PFKP: variants seen among roughly 807,000 people sequenced by gnomAD.
PFKP encodes the protein phosphofructokinase, platelet, also known as ATP-dependent 6-phosphofructokinase, platelet type.
A neutral mutation model predicts 94.3 loss-of-function variants in PFKP; 101 were observed. That is an observed-to-expected ratio of 1.07 (90% CI 0.91 to 1.26). The LOEUF (loss-of-function observed/expected upper bound fraction) is 1.26. PFKP is among the 50% of genes most tolerant of loss of function. PFKP has a pLI of 0.00. For synonymous variants in PFKP, 573 were observed against 432.6 expected (o/e 1.32, Z -4.03); for missense variants, 1,145 against 1,103.3 (o/e 1.04, Z -0.53).
chr10:3,107,146 G>A (rs1243871168), intron 7 of PFKP, 68 bp from the exon 8 acceptor site: 3 of 957,160 alleles, frequency 3.1e-6, no homozygotes, highest in East Asian at 2.4e-5. Flanking sequence ...AGACTTCTGT[G>A]GTTTTGTTGC....
At chr10:3,127,254 G>A (rs1173832207) in intron 16 of PFKP, among the ~76,000 whole-genome samples, 4 of 152,238 alleles carry the variant, frequency 2.6e-5, no homozygotes, top group South Asian at 2.1e-4. Context: ...ACACTGAGAC[G>A]AGCACACAGT....
At chr10:3,120,180 C>A (rs970976076) in intron 16 of PFKP, 136 bp downstream of exon 16, 10 of 735,664 alleles carry the variant, frequency 1.4e-5, no homozygotes, top group Non-Finnish European at 2.2e-5. Flanking sequence ...CTTTTTTTCC[C>A]CCAGAAAAGT....
intron 12 of PFKP, 46 bp downstream of exon 12, chr10:3,113,234 T>C: frequency 6.3e-7 from 1 of 1,594,076 alleles, no homozygotes; most frequent in Non-Finnish European, 8.6e-7. Flanking sequence ...CCTGCGGGCC[T>C]CCCCTCATGG....
At chr10:3,100,888 C>G (rs1358000097) in intron 3 of PFKP, 2 of 1,038,578 alleles carry the variant, frequency 1.9e-6, no homozygotes, top group African/African-American at 2.1e-5. Flanking sequence ...AAAAATCCCC[C>G]TGGCCCCAGG....
intron 16 of PFKP, among the ~76,000 whole-genome samples, chr10:3,122,927 TG>T (rs577772986): frequency 7.6e-4 from 115 of 152,246 alleles, no homozygotes; most frequent in Non-Finnish European, 1.5e-3. Flanking sequence ...GAGCACAGGG[TG>T]GGCTCCATAA....
chr10:3,122,994 T>C (rs560533341), intron 16 of PFKP, among the ~76,000 whole-genome samples: 9 of 152,320 alleles, frequency 5.9e-5, no homozygotes, highest in African/African-American at 2.2e-4. Context: ...TGGGCGGGGC[T>C]GATGTGGTGA....
At chr10:3,080,019 G>T (rs951802866) in intron 1 of PFKP, among the ~76,000 whole-genome samples, 1 of 152,082 alleles carries the variant, frequency 6.6e-6, no homozygotes, top group Non-Finnish European at 1.5e-5. Flanking sequence ...TTCCTGGGAG[G>T]TGCCAGAGCC....
At chr10:3,071,779 C>A (rs1239492557) in intron 1 of PFKP, among the ~76,000 whole-genome samples, 1 of 152,142 alleles carries the variant, frequency 6.6e-6, no homozygotes, top group Non-Finnish European at 1.5e-5. Flanking sequence ...TATAGAAAGT[C>A]CACATAAATT....
At chr10:3,136,405 G>A (rs368702320) in intron 21 of PFKP, 45 bp from the exon 22 acceptor site, 70 of 1,603,842 alleles carry the variant, frequency 4.4e-5, no homozygotes, top group East Asian at 3.8e-4. Context: ...GGCATCTCCC[G>A]CCAGTGACTG....
rs138571494 is a variant in PFKP, at chr10:3,084,706, C to A, written c.186+2245C>A. Reference sequence around the variant, plus strand: ...CGGTCTCCAGCACAGTCCTCCAGCCCCTCCCCAGGAGAGTCCTCCAGCCCC... The same window carrying A: ...CGGTCTCCAGCACAGTCCTCCAGCCACTCCCCAGGAGAGTCCTCCAGCCCC... On this transcript the variant is annotated intron_variant, in intron 2 of 21. Transcript: ENST00000381125. 9.1e-3 allele frequency among the ~76,000 whole-genome samples: 597 copies of A among 65,602 alleles called. 4 individuals are homozygous for A. The highest frequency in any genetic ancestry group is 0.03 in the African/African-American group (556 of 18,642). The allele number at this position is 65,602 out of a possible 152,430, so 43.0% of individuals were successfully genotyped here. A position where few individuals can be genotyped will look rare whatever the true frequency, so the allele number is the denominator to read the frequency against.
At chr10:3,109,971 C>T (rs879551976) in intron 10 of PFKP, among the ~76,000 whole-genome samples, 1 of 152,066 alleles carries the variant, frequency 6.6e-6, no homozygotes, top group Non-Finnish European at 1.5e-5. Flanking sequence ...GTGGGACCTT[C>T]CCAAACTTCT....
chr10:3,101,359 TC>T lies in PFKP; in HGVS notation c.265-3del. ...GAGGAGATAAATTAGCTGGTGTCTT[TC>T]CCAGGGCGGGACGATCATTGGCAGT... On this transcript the variant is annotated splice_polypyrimidine_tract_variant and splice_region_variant and intron_variant, in intron 3 of 21. Transcript: ENST00000381125. The T allele has an allele frequency of 6.4e-7, 1 of 1,574,214 alleles. No homozygotes were observed. The highest frequency in any genetic ancestry group is 8.6e-7 in the Non-Finnish European group (1 of 1,159,598).
At chr10:3,078,317 A>G (rs1240683791) in intron 1 of PFKP, among the ~76,000 whole-genome samples, 1 of 152,250 alleles carries the variant, frequency 6.6e-6, no homozygotes, top group Non-Finnish European at 1.5e-5. Flanking sequence ...ACAGCCCGCC[A>G]GTAAATGCTG....
At position 3,134,581 on chromosome 10, in the gene PFKP, A is replaced by AGGTAAGG. The variant is rs757730511; in HGVS notation, c.2122+3_2122+9dup. The AGGTAAGG allele has an allele frequency of 4.0e-5, 65 of 1,606,120 alleles. No individual in the cohort carries two copies. Among genetic ancestry groups the AGGTAAGG allele is most frequent in the Non-Finnish European group, 5.2e-5 (61 of 1,173,034 alleles). On this transcript the variant is annotated frameshift_variant and splice_region_variant, in exon 20 of 22. Coordinates refer to ENST00000381125, the MANE Select transcript of PFKP (RefSeq NM_002627.5). LOFTEE classifies it high-confidence loss of function. ...CAAAACTCAAGGAGGCCCGGGGCAG[A>AGGTAAGG]GGTAAGGGGTCTGGGGAGGGAGGCC...
In PFKP at chr10:3,129,875, C is replaced by G. The variant is rs148174090; in HGVS notation, c.1740C>G (p.Ile580Met). 1 of 1,613,720 alleles carries G rather than the reference C, an allele frequency of 6.2e-7. No individual in the cohort carries two copies. The highest frequency in any genetic ancestry group is 8.5e-7 in the Non-Finnish European group (1 of 1,179,970). ...ASGTKRRVFI[I>M]ETMGGYCGYL... ...GAACCAAGCGGCGCGTGTTCATCAT[C>G]GAGACCATGGGCGGCTACTGTGGCT... The change falls in exon 17 of 22, where the codon ATC (isoleucine) becomes ATG (methionine). Residue 580 changes from isoleucine (I) to methionine (M), a missense_variant. This residue lies in a region of PFKP where 1,119 missense variants were observed against 1,062.8 expected (regional missense o/e 1.05). Transcript: ENST00000381125.
intron 14 of PFKP, 149 bp from the exon 15 acceptor site, chr10:3,118,633 C>A (rs1837073094): frequency 1.7e-6 from 1 of 584,692 alleles, no homozygotes. Context: ...CTGCCAGCCA[C>A]AACGGCATGA....
intron 3 of PFKP, 95 bp from the exon 4 acceptor site, chr10:3,101,269 AT>A: frequency 1.9e-6 from 2 of 1,036,202 alleles, no homozygotes; most frequent in South Asian, 3.2e-5. Flanking sequence ...AAAAATGTAA[AT>A]TCTAGCACCC....
In PFKP at chr10:3,119,958, G is replaced by C; in HGVS notation, c.1597G>C (p.Val533Leu). Residue 533 changes from valine (V) to leucine (L), a missense_variant, in exon 16 of 22, where the codon GTC becomes CTC. Val to Leu is a conservative substitution (Grantham distance 32, BLOSUM62 1). Coordinates refer to ENST00000381125, the MANE Select transcript of PFKP (RefSeq NM_002627.5). ...EKHEEFCVPM[V>L]MVPATVSNNV... is the part of the protein sequence containing the mutation. ...GCACGAGGAGTTCTGTGTCCCCATG[G>C]TCATGGTTCCCGCTACTGTGTCCAA... 1 of 1,614,128 alleles carries C rather than the reference G, an allele frequency of 6.2e-7. No homozygotes were observed. Among genetic ancestry groups the C allele is most frequent in the South Asian group, 1.1e-5 (1 of 91,068 alleles).
At chr10:3,074,845 C>G (rs868277633) in intron 1 of PFKP, among the ~76,000 whole-genome samples, 3 of 152,074 alleles carry the variant, frequency 2.0e-5, no homozygotes, top group African/African-American at 4.8e-5. Context: ...TCGGGGAGAC[C>G]GTAACCCAGC....
Sources: gnomAD v4.1 joint callset for allele counts (sites outside exome capture counted in the v4.1 genomes callset) on GRCh38, gnomAD v4.1.1 for gene constraint, gnomAD v4.1.1 regional missense constraint, MANE v1.5 for transcripts, NCBI Gene and HGNC (gene_info 2026-07-23, HGNC 2026-07-21) for gene names.